Variants in ZNF510 observed in about 807,000 individuals in gnomAD.
ZNF510 encodes zinc finger protein 510.
ZNF510 carries 15 observed loss-of-function variants against 18.1 expected under a neutral mutation model. The ratio of observed to expected loss-of-function variants is 0.83; its 90% confidence interval spans 0.55 to 1.28. The LOEUF is 1.28. Among genes scored for constraint, ZNF510 ranks in the 50% most tolerant of loss-of-function variants. The pLI, the probability that ZNF510 is intolerant of heterozygous loss-of-function variation, is 0.00. For synonymous variants in ZNF510, 261 were observed against 266.4 expected, an observed-to-expected ratio of 0.98 and a Z score of 0.20; for missense variants, 724 against 791.8, an observed-to-expected ratio of 0.91 and a Z score of 1.03.
Position 96,763,467 on chromosome 9 carries a change from A to C in ZNF510, c.256+39T>G. 2.6e-6 allele frequency: 4 copies of C among 1,566,702 alleles called. No homozygotes were observed. The South Asian group carries it at 4.9e-5, about 19-fold the overall frequency. On this transcript the variant is annotated intron_variant, in intron 4 of 5. Coordinates refer to ENST00000223428, the MANE Select transcript of ZNF510 (RefSeq NM_014930.3). ...GGCACTTAAAAAAGAAATACCTTCT[A>C]TATGGAGTTACAAGGGTAAGTTATG...
At chr9:96,768,041 A>G (rs1411776820) in intron 3 of ZNF510, among the ~76,000 whole-genome samples, 1 of 152,232 alleles carries the variant, frequency 6.6e-6, no homozygotes, top group Admixed American at 6.5e-5. Context: ...ATTTATTTCC[A>G]GGAATGCAAG....
Position 96,759,347 on chromosome 9 carries a change from T to C in ZNF510, c.1483A>G (p.Lys495Glu). Residue 495 changes from lysine (K) to glutamate (E), a missense_variant, in exon 6 of 6, where the codon AAA becomes GAA. Coordinates refer to ENST00000223428, the MANE Select transcript of ZNF510 (RefSeq NM_014930.3). Reference protein sequence around the residue: ...EKPYECSECGKTFVQKSTLRD... With the variant: ...EKPYECSECGETFVQKSTLRD... Reference sequence around the variant, plus strand: ...AGGGTGGACTTCTGAACAAAAGTTTTCCCACATTCACTACATTCATAGGGT... The same window carrying C: ...AGGGTGGACTTCTGAACAAAAGTTTCCCCACATTCACTACATTCATAGGGT... The C allele has an allele frequency of 6.2e-7, 1 of 1,614,184 alleles. No individual in the cohort carries two copies. Among genetic ancestry groups the C allele is most frequent in the African/African-American group, 1.3e-5 (1 of 75,064 alleles).
intron 2 of ZNF510, 34 bp from the exon 3 acceptor site, chr9:96,774,880 G>A (rs1289244860): frequency 6.3e-7 from 1 of 1,597,944 alleles, no homozygotes; most frequent in Admixed American, 1.7e-5. Context: ...AGAGATCTGG[G>A]CAGCCTCCAT....
At chr9:96,771,275 C>A in intron 3 of ZNF510, among the ~76,000 whole-genome samples, 1 of 152,028 alleles carries the variant, frequency 6.6e-6, no homozygotes, top group East Asian at 1.9e-4. Flanking sequence ...AGTGATAGCA[C>A]TACCTTATGT....
At chr9:96,761,925 T>C (rs1182113692) in intron 5 of ZNF510, among the ~76,000 whole-genome samples, 2 of 152,284 alleles carry the variant, frequency 1.3e-5, no homozygotes, top group African/African-American at 4.8e-5. Context: ...CATAATCATA[T>C]CTTTTTGTCA....
chr9:96,769,170 C>T (rs1433469636), intron 3 of ZNF510, among the ~76,000 whole-genome samples: 1 of 152,098 alleles, frequency 6.6e-6, no homozygotes, highest in Non-Finnish European at 1.5e-5. Context: ...TGTGGTGCCT[C>T]ACACCTGTAA....
rs778361526 is a variant in ZNF510, at chr9:96,760,333, GCAGCTACAT to G, written c.488_496del (p.His163_Ala166delinsPro). ...GCAGGACATTTTTGTTGAAGCAACAGCAGCTACATGCAGAGTAAATGGTTTCCCCAAAAC... is the reference window on the plus strand; with the variant it reads ...GCAGGACATTTTTGTTGAAGCAACAGGCAGAGTAAATGGTTTCCCCAAAAC... On this transcript the variant is annotated inframe_deletion, in exon 6 of 6. Coordinates refer to ENST00000223428, the MANE Select transcript of ZNF510 (RefSeq NM_014930.3). 7.4e-6 allele frequency: 12 copies of G among 1,613,718 alleles called. No homozygotes were observed. The African/African-American group carries it at 9.3e-5, about 13-fold the overall frequency.
In ZNF510 at chr9:96,758,799, C is replaced by T; in HGVS notation, c.2031G>A (p.Gln677=). Residue 677 remains glutamine (Q), a synonymous_variant, in exon 6 of 6, where the codon CAG becomes CAA. Transcript: ENST00000223428. ...KSTLSLYQKI[Q]GEGNPY The stretch of plus-strand genomic sequence containing the variant: ...TACATCAATAGGGATTCCCCTCTCC[C>T]TGAATTTTCTGGTATAAGCTTAGGG... 1 of 1,587,846 alleles carries T rather than the reference C, an allele frequency of 6.3e-7. No homozygotes were observed. The highest frequency in any genetic ancestry group is 8.6e-7 in the Non-Finnish European group (1 of 1,166,750).
At chr9:96,773,526 G>A (rs747186125) in intron 3 of ZNF510, among the ~76,000 whole-genome samples, 83 of 151,730 alleles carry the variant, frequency 5.5e-4, no homozygotes, top group Admixed American at 2.8e-3. Flanking sequence ...TCTAAGCCAC[G>A]GAGCAAGGCC....
intron 5 of ZNF510, 59 bp from the exon 6 acceptor site, chr9:96,760,536 T>C (rs1463155881): frequency 6.9e-7 from 1 of 1,446,370 alleles, no homozygotes; most frequent in Non-Finnish European, 9.2e-7. Context: ...GGTAGAGCTT[T>C]ATCAACATAC....
At position 96,759,839 on chromosome 9, in the gene ZNF510, T is replaced by C. The variant is rs1478120681; in HGVS notation, c.991A>G (p.Met331Val). Reference sequence around the variant, plus strand: ...TTTAATTCATAATGTTTTATACCCATATTAAGTTTATTATATTCCTCCACA... The same window carrying C: ...TTTAATTCATAATGTTTTATACCCACATTAAGTTTATTATATTCCTCCACA... ...STVEEYNKLN[M>V]GIKHYELNPS... The change falls in exon 6 of 6, where the codon ATG becomes GTG. Residue 331 changes from methionine to valine, a missense_variant. Transcript: ENST00000223428. The C allele has an allele frequency of 1.4e-5, 22 of 1,613,546 alleles. No homozygotes were observed. Among genetic ancestry groups the C allele is most frequent in the Admixed American group, 3.3e-5 (2 of 60,004 alleles).
At chr9:96,769,437 C>CAAAAAAAAAAAAAAA (rs71485393) in intron 3 of ZNF510, among the ~76,000 whole-genome samples, 39 of 126,242 alleles carry the variant, frequency 3.1e-4, no homozygotes, top group African/African-American at 1.1e-3. Context: ...ATTCCGTCTC[C>CAAAAAAAAAAAAAAA]AAAAAAAAAA....
intron 3 of ZNF510, 144 bp downstream of exon 3, chr9:96,774,644 C>A: frequency 1.5e-6 from 1 of 677,460 alleles, no homozygotes; most frequent in Non-Finnish European, 2.4e-6. Flanking sequence ...CATCTTTCCA[C>A]ATGCCAATTC....
rs949056838 is a variant in ZNF510, at chr9:96,755,704, T to C, written c.*3074A>G. Among the ~76,000 whole-genome samples, 2 of 152,224 alleles carry C rather than the reference T, an allele frequency of 1.3e-5. No homozygotes were observed. Among genetic ancestry groups the C allele is most frequent in the African/African-American group, 4.8e-5 (2 of 41,458 alleles). ...GATGTTACTAAAATATCAGAATGTT[T>C]AATCAGTCATATGCACTATCTTTAC... On this transcript the variant is annotated 3_prime_UTR_variant, in exon 6 of 6. Coordinates refer to ENST00000223428, the MANE Select transcript of ZNF510 (RefSeq NM_014930.3).
rs1263054888 is a variant in ZNF510 at position 96,764,469 on chromosome 9, TAA to T, written c.130-839_130-838del. Reference sequence around the variant, plus strand: ...ACCTGGCCACTTACCGCTTTTTAAATAAAGTCAGTTGGCACACAGGCACACCC... The same window carrying T: ...ACCTGGCCACTTACCGCTTTTTAAATAGTCAGTTGGCACACAGGCACACCC... On this transcript the variant is annotated intron_variant, in intron 3 of 5. Transcript: ENST00000223428. 1.3e-5 allele frequency among the ~76,000 whole-genome samples: 2 copies of T among 152,190 alleles called. 1 individual carries two copies. The highest frequency in any genetic ancestry group is 1.3e-4 in the Admixed American group (2 of 15,284).
intron 3 of ZNF510, among the ~76,000 whole-genome samples, chr9:96,772,478 A>G (rs1849602882): frequency 6.6e-6 from 1 of 152,180 alleles, no homozygotes; most frequent in Non-Finnish European, 1.5e-5. Context: ...GAACATCAGT[A>G]ATGCACACAT....
chr9:96,768,904 T>G (rs1849531150), intron 3 of ZNF510, among the ~76,000 whole-genome samples: 1 of 151,792 alleles, frequency 6.6e-6, no homozygotes. Flanking sequence ...GAAAAAAAAT[T>G]GGAGGGATTA....
At chr9:96,763,829 C>T (rs1245921717) in intron 3 of ZNF510, 197 bp from the exon 4 acceptor site, 5 of 481,310 alleles carry the variant, frequency 1.0e-5, no homozygotes, top group Non-Finnish European at 1.7e-5. Context: ...GGTGCAGTGG[C>T]TCATGCCTGT....
chr9:96,773,265 A>T (rs1423448328), intron 3 of ZNF510, among the ~76,000 whole-genome samples: 2 of 152,236 alleles, frequency 1.3e-5, no homozygotes, highest in African/African-American at 4.8e-5. Flanking sequence ...TACACACTTC[A>T]GAGTACACTT....
Sources: allele counts gnomAD v4.1 joint callset (sites outside exome capture counted in the v4.1 genomes callset), GRCh38; gene constraint gnomAD v4.1.1; transcripts MANE v1.5; gene names NCBI Gene and HGNC (gene_info 2026-07-23, HGNC 2026-07-21).